PCMT1: variants seen among roughly 807,000 people sequenced by gnomAD.
PCMT1 encodes protein-L-isoaspartate(D-aspartate) O-methyltransferase.
Under a neutral mutation model 29.2 loss-of-function variants are expected in PCMT1, and 9 were observed. The observed-to-expected ratio is 0.31, with a 90% CI of 0.19 to 0.54. The LOEUF is 0.54. Ranked by LOEUF, PCMT1 falls within the 20% of genes least tolerant of loss-of-function variation. The pLI is 0.95. For missense variants in PCMT1, 184 were observed against 282.2 expected (o/e 0.65, Z 2.49); for synonymous variants, 98 against 97.5 (o/e 1.00, Z -0.03).
rs77058597 is a variant in PCMT1, at chr6:149,761,178, T to TACACAC, written c.56-9972_56-9967dup. On this transcript the variant is annotated intron_variant, in intron 1 of 7. Transcript: ENST00000464889. The stretch of plus-strand genomic sequence containing the variant: ...TGTCTAAAGTAGATAAAACATGAAA[T>TACACAC]ACACACACACACACACATAAAATTT... 4.5e-3 allele frequency among the ~76,000 whole-genome samples: 670 copies of TACACAC among 148,750 alleles called. 4 individuals carry two copies. Among genetic ancestry groups the TACACAC allele is most frequent in the African/African-American group, 0.016 (632 of 40,520 alleles).
chr6:149,785,582 A>C (rs1423733045), intron 3 of PCMT1, among the ~76,000 whole-genome samples: 1 of 152,086 alleles, frequency 6.6e-6, no homozygotes, highest in Non-Finnish European at 1.5e-5. Context: ...GTCCCTGGGT[A>C]CTTGAGATTA....
intron 3 of PCMT1, among the ~76,000 whole-genome samples, chr6:149,787,779 T>G (rs191846679): frequency 6.6e-6 from 1 of 152,218 alleles, no homozygotes; most frequent in East Asian, 1.9e-4. Flanking sequence ...AATCTCACCA[T>G]TTGCTTTATC....
chr6:149,789,066 ATTTTTTTTTTT>A (rs56661461), intron 3 of PCMT1, among the ~76,000 whole-genome samples: 11 of 90,504 alleles, frequency 1.2e-4, no homozygotes, highest in African/African-American at 1.9e-4. Flanking sequence ...ATTGGATCTG[ATTTTTTTTTTT>A]TTTTTTTTTT....
chr6:149,804,850 C>A (rs1019703623), intron 7 of PCMT1, among the ~76,000 whole-genome samples: 1 of 151,658 alleles, frequency 6.6e-6, no homozygotes, highest in African/African-American at 2.4e-5. Flanking sequence ...TTTTTTTTAA[C>A]TTCATAAAAA....
At chr6:149,755,395 C>T (rs902411795) in intron 1 of PCMT1, among the ~76,000 whole-genome samples, 4 of 151,184 alleles carry the variant, frequency 2.6e-5, no homozygotes, top group African/African-American at 4.9e-5. Flanking sequence ...CCACTGCACT[C>T]GAGCCTGGGT....
chr6:149,799,462 G>T (rs186169063), intron 6 of PCMT1, among the ~76,000 whole-genome samples: 1 of 152,060 alleles, frequency 6.6e-6, no homozygotes, highest in Non-Finnish European at 1.5e-5. Flanking sequence ...TTCCAACCTC[G>T]AATTCTGTAT....
Position 149,750,310 on chromosome 6 carries a change from G to C in PCMT1, c.55+354G>C, listed in dbSNP as rs941739486. Reference sequence around the variant, plus strand: ...TTGTGAGGGGCGTGCCTTCGGGGTGGGAGCGTGTGGGCTAGGCCTTATGGA... The same window carrying C: ...TTGTGAGGGGCGTGCCTTCGGGGTGCGAGCGTGTGGGCTAGGCCTTATGGA... On this transcript the variant is annotated intron_variant, in intron 1 of 7. Transcript: ENST00000464889. The C allele has an allele frequency of 2.0e-5, 6 of 296,046 alleles. No homozygotes were observed. In the East Asian group the frequency reaches 2.7e-4, roughly 13 times the overall value. 18.3% of individuals were successfully genotyped at this position (296,046 alleles called of 1,614,324 possible).
At chr6:149,778,255 G>GTC (rs1191365961) in intron 3 of PCMT1, among the ~76,000 whole-genome samples, 1 of 151,444 alleles carries the variant, frequency 6.6e-6, no homozygotes, top group African/African-American at 2.4e-5. Flanking sequence ...TTGAGATGGA[G>GTC]TCTCTCTCTG....
At chr6:149,785,849 TC>T (rs1788018339) in intron 3 of PCMT1, among the ~76,000 whole-genome samples, 1 of 152,212 alleles carries the variant, frequency 6.6e-6, no homozygotes, top group Non-Finnish European at 1.5e-5. Flanking sequence ...CTCAATCTCT[TC>T]CCCACCTTTC....
chr6:149,768,272 TA>T (rs1562402326), intron 1 of PCMT1, among the ~76,000 whole-genome samples: 1 of 151,384 alleles, frequency 6.6e-6, no homozygotes, highest in Admixed American at 6.6e-5. Flanking sequence ...CAAATTTTTT[TA>T]AAGAAACGGG....
intron 7 of PCMT1, among the ~76,000 whole-genome samples, chr6:149,809,258 C>CA (rs1209712068): frequency 0.03 from 1,371 of 46,124 alleles, 143 homozygotes; most frequent in African/African-American, 0.067. Flanking sequence ...GACTCTGTCT[C>CA]AAAAAAAAAA....
intron 1 of PCMT1, among the ~76,000 whole-genome samples, chr6:149,768,713 T>C (rs751407089): frequency 6.6e-6 from 1 of 151,822 alleles, no homozygotes; most frequent in Non-Finnish European, 1.5e-5. Context: ...TGCAGCCTCC[T>C]TCTCCTGGGT....
intron 3 of PCMT1, among the ~76,000 whole-genome samples, chr6:149,786,391 C>G (rs570921403): frequency 9.1e-6 from 1 of 110,054 alleles, no homozygotes; most frequent in African/African-American, 5.4e-5. Flanking sequence ...CCCTCCCGGA[C>G]GGGGTGGCTG....
intron 4 of PCMT1, among the ~76,000 whole-genome samples, 155 bp downstream of exon 4, chr6:149,790,213 C>G (rs1403068074): frequency 2.0e-5 from 3 of 152,080 alleles, no homozygotes; most frequent in Non-Finnish European, 2.9e-5. Context: ...GTTGTTGTTG[C>G]AAGTGACAGA....
chr6:149,793,870 C>A (rs921273339), intron 5 of PCMT1, among the ~76,000 whole-genome samples: 1 of 151,988 alleles, frequency 6.6e-6, no homozygotes, highest in Non-Finnish European at 1.5e-5. Context: ...TTTGTATTTT[C>A]CTATTAACCT....
At chr6:149,768,265 A>T (rs977901601) in intron 1 of PCMT1, among the ~76,000 whole-genome samples, 1 of 150,438 alleles carries the variant, frequency 6.6e-6, no homozygotes, top group Admixed American at 6.6e-5. Context: ...TAATTTTCAA[A>T]TTTTTTTAAA....
At chr6:149,806,652 T>C (rs1435907871) in intron 7 of PCMT1, among the ~76,000 whole-genome samples, 1 of 152,140 alleles carries the variant, frequency 6.6e-6, no homozygotes, top group East Asian at 1.9e-4. Context: ...TGCAGTGGCA[T>C]GATCTCTGCT....
intron 5 of PCMT1, chr6:149,795,274 C>G: frequency 2.5e-6 from 1 of 406,232 alleles, no homozygotes; most frequent in Middle Eastern, 4.1e-4. Context: ...TTCCTCTCGT[C>G]CAAGCAGTCC....
intron 5 of PCMT1, 189 bp from the exon 6 acceptor site, chr6:149,796,226 T>G: frequency 2.4e-6 from 1 of 411,848 alleles, no homozygotes; most frequent in Non-Finnish European, 4.3e-6. Flanking sequence ...TTCCATTGTT[T>G]TAATGTTTCT....
Sources: allele counts gnomAD v4.1 joint callset (sites outside exome capture counted in the v4.1 genomes callset), GRCh38; gene constraint gnomAD v4.1.1; transcripts MANE v1.5; gene names NCBI Gene and HGNC (gene_info 2026-07-23, HGNC 2026-07-21).